THSD7A: variants seen among roughly 807,000 people sequenced by gnomAD.
THSD7A encodes thrombospondin type 1 domain containing 7A, also known as thrombospondin type-1 domain-containing protein 7A.
Under a neutral mutation model 231.3 loss-of-function variants are expected in THSD7A, and 96 were observed. That is an observed-to-expected ratio of 0.41 (90% CI 0.35 to 0.49). The LOEUF is 0.49. Among genes scored for constraint, THSD7A ranks in the 20% least tolerant of loss-of-function variants. THSD7A has a pLI of 0.05. For synonymous variants in THSD7A, 940 were observed against 743.3 expected, an observed-to-expected ratio of 1.26 and a Z score of -4.30; for missense variants, 2,290 against 2,070.2, an observed-to-expected ratio of 1.11 and a Z score of -2.06.
chr7:11,759,523 G>T (rs1260758800), intron 1 of THSD7A, among the ~76,000 whole-genome samples: 6 of 152,060 alleles, frequency 3.9e-5, no homozygotes, highest in Middle Eastern at 3.4e-3. Flanking sequence ...TCTGTGCAGA[G>T]AATATAGAAA....
intron 6 of THSD7A, among the ~76,000 whole-genome samples, chr7:11,516,022 G>T (rs1788016910): frequency 6.6e-6 from 1 of 152,080 alleles, no homozygotes; most frequent in African/African-American, 2.4e-5. Context: ...ATAAATATGA[G>T]AACTTTTGGT....
At chr7:11,692,840 C>T (rs960073231) in intron 1 of THSD7A, among the ~76,000 whole-genome samples, 29 of 151,488 alleles carry the variant, frequency 1.9e-4, no homozygotes, top group African/African-American at 6.8e-4. Flanking sequence ...ATAATTTAAA[C>T]AATAATTTAA....
intron 23 of THSD7A, among the ~76,000 whole-genome samples, chr7:11,399,760 T>G (rs2115352502): frequency 6.6e-6 from 1 of 152,326 alleles, no homozygotes. Flanking sequence ...TGGCGATTCC[T>G]CAAGGATCTG....
Position 11,570,486 on chromosome 7 carries a change from A to G in THSD7A, c.1453+19974T>C, listed in dbSNP as rs561404827. On this transcript the variant is annotated intron_variant, in intron 4 of 27. Transcript: ENST00000423059. ...TATTTCAAAATAGCTGGAAGAGAAG[A>G]TTTGAAACGTTCCCAACACAAAGAA... Among the ~76,000 whole-genome samples the G allele has an allele frequency of 6.6e-5, 10 of 152,332 alleles. No individual in the cohort carries two copies. In the South Asian group the frequency reaches 8.3e-4, roughly 13 times the overall value.
intron 2 of THSD7A, among the ~76,000 whole-genome samples, chr7:11,598,245 G>T (rs1418965154): frequency 6.6e-6 from 1 of 152,190 alleles, no homozygotes; most frequent in African/African-American, 2.4e-5. Context: ...GAAAATTGGT[G>T]ACAAAGAAAT....
intron 1 of THSD7A, among the ~76,000 whole-genome samples, chr7:11,727,203 C>T (rs1465163778): frequency 6.6e-6 from 1 of 151,912 alleles, no homozygotes; most frequent in East Asian, 1.9e-4. Context: ...AAATGTTGGG[C>T]CTTTGAGATT....
At chr7:11,448,468 T>G (rs1191487947) in intron 11 of THSD7A, among the ~76,000 whole-genome samples, 1 of 152,138 alleles carries the variant, frequency 6.6e-6, no homozygotes, top group Admixed American at 6.6e-5. Flanking sequence ...ATTGATTTAC[T>G]TGGCTTTTTC....
At chr7:11,499,367 G>A (rs1185691820) in intron 6 of THSD7A, among the ~76,000 whole-genome samples, 1 of 152,188 alleles carries the variant, frequency 6.6e-6, no homozygotes, top group African/African-American at 2.4e-5. Context: ...CTAATAAGAT[G>A]TCTTCCTCTG....
Position 11,460,743 on chromosome 7 carries a change from T to C in THSD7A, c.2524A>G (p.Arg842Gly), listed in dbSNP as rs1446555190. 1.9e-6 allele frequency: 3 copies of C among 1,612,342 alleles called. No homozygotes were observed. The highest frequency in any genetic ancestry group is 2.5e-6 in the Non-Finnish European group (3 of 1,179,324). The change falls in exon 11 of 28, where the codon AGA becomes GGA. Residue 842 changes from arginine (R) to glycine (G), a missense_variant. Coordinates refer to ENST00000423059, the MANE Select transcript of THSD7A (RefSeq NM_015204.3). ...ACGCTCCAAGGGACTAATTGGCATC[T>C]GCGCCATTTGTGAGTCTTCCACCTA... ...SYRWKTHKWR[R>G]CQLVPWSVQQ...
intron 4 of THSD7A, among the ~76,000 whole-genome samples, chr7:11,570,668 C>A (rs1790585768): frequency 6.6e-6 from 1 of 152,052 alleles, no homozygotes; most frequent in Admixed American, 6.6e-5. Context: ...TTACATCATT[C>A]AAAGTTTACA....
At chr7:11,702,624 C>T (rs1465478410) in intron 1 of THSD7A, among the ~76,000 whole-genome samples, 2 of 151,126 alleles carry the variant, frequency 1.3e-5, no homozygotes, top group Non-Finnish European at 3.0e-5. Flanking sequence ...TACAAAAGTC[C>T]GCTCACAGCA....
At chr7:11,816,191 A>G (rs1431350911) in intron 1 of THSD7A, among the ~76,000 whole-genome samples, 1 of 152,166 alleles carries the variant, frequency 6.6e-6, no homozygotes, top group Non-Finnish European at 1.5e-5. Context: ...GTTCCCCTGC[A>G]CCTGACACAC....
At chr7:11,660,458 A>T (rs999536171) in intron 1 of THSD7A, among the ~76,000 whole-genome samples, 8 of 151,510 alleles carry the variant, frequency 5.3e-5, no homozygotes, top group Non-Finnish European at 8.9e-5. Context: ...ATTTTATGTT[A>T]TGCCATATTT....
chr7:11,487,222 C>G (rs1187945427), intron 6 of THSD7A, among the ~76,000 whole-genome samples: 3 of 152,080 alleles, frequency 2.0e-5, no homozygotes, highest in African/African-American at 7.2e-5. Flanking sequence ...TCGACTGTAT[C>G]TCTTATTATC....
At chr7:11,783,923 CTT>C (rs2128175596) in intron 1 of THSD7A, among the ~76,000 whole-genome samples, 1 of 152,092 alleles carries the variant, frequency 6.6e-6, no homozygotes, top group Admixed American at 6.5e-5. Flanking sequence ...AGAAAATCCC[CTT>C]TTGTCACTTC....
intron 17 of THSD7A, chr7:11,414,016 T>TACTA (rs1020931117): frequency 4.6e-5 from 7 of 152,314 alleles, no homozygotes; most frequent in Middle Eastern, 3.4e-3. Flanking sequence ...TTGATTTGAG[T>TACTA]ACTAACTCCA....
chr7:11,513,656 G>T (rs930988807), intron 6 of THSD7A, among the ~76,000 whole-genome samples: 3 of 152,146 alleles, frequency 2.0e-5, no homozygotes, highest in Non-Finnish European at 4.4e-5. Flanking sequence ...CAGGGAAATA[G>T]ACAGTGAAAT....
rs761851828 is a variant in THSD7A at position 11,636,689 on chromosome 7, C to A, written c.463G>T (p.Val155Leu). 1.2e-6 allele frequency: 2 copies of A among 1,614,024 alleles called. No individual in the cohort carries two copies. Among genetic ancestry groups the A allele is most frequent in the South Asian group, 1.1e-5 (1 of 91,088 alleles). ...ECIKGEEGIQ[V>L]REIACIQKDK... ...TTCTGGATGCACGCTATCTCCCTCA[C>A]CTGAATACCTTCTTCCCCCTTAATG... Residue 155 changes from valine to leucine, a missense_variant, in exon 2 of 28, where the codon GTG becomes TTG. Transcript: ENST00000423059. The surrounding 1 kb of genome is among the most constrained non-coding windows in gnomAD (Gnocchi z 10.0).
At chr7:11,461,495 A>G (rs1035381615) in intron 10 of THSD7A, among the ~76,000 whole-genome samples, 2 of 152,174 alleles carry the variant, frequency 1.3e-5, no homozygotes, top group African/African-American at 2.4e-5. Flanking sequence ...AATTATCAAG[A>G]TGATATATAG....
Sources: allele counts gnomAD v4.1 joint callset (sites outside exome capture counted in the v4.1 genomes callset), GRCh38; gene constraint gnomAD v4.1.1; non-coding constraint Gnocchi (gnomAD v3.1); transcripts MANE v1.5; gene names NCBI Gene and HGNC (gene_info 2026-07-23, HGNC 2026-07-21).